MBNL1: variants seen among roughly 807,000 people sequenced by gnomAD.
MBNL1 encodes muscleblind-like protein 1.
A neutral mutation model predicts 42.2 loss-of-function variants in MBNL1; 8 were observed. That is an observed-to-expected ratio of 0.19 (90% CI 0.11 to 0.34). The LOEUF is 0.34. Among genes scored for constraint, MBNL1 ranks in the 10% least tolerant of loss-of-function variants. The probability of loss-of-function intolerance (pLI) is 1.00; values close to 1 mark genes in which losing one functional copy is unlikely to be tolerated. For synonymous variants in MBNL1, 169 were observed against 173.9 expected (o/e 0.97, Z 0.22); for missense variants, 309 against 495.3 (o/e 0.62, Z 3.57).
chr3:152,448,294 C>T (rs1714617964), intron 6 of MBNL1, among the ~76,000 whole-genome samples: 1 of 152,072 alleles, frequency 6.6e-6, no homozygotes, highest in South Asian at 2.1e-4. Flanking sequence ...ATGACTGTTC[C>T]TAAGCTAATA....
Position 152,400,359 on chromosome 3 carries a change from T to C in MBNL1, c.175-14582T>C, listed in dbSNP as rs972781618. ...TAACTTGAGCTTAAGCAACTTAAAATTGAGTTATAAAAGCAATATTGTCAG... is the reference window on the plus strand; with the variant it reads ...TAACTTGAGCTTAAGCAACTTAAAACTGAGTTATAAAAGCAATATTGTCAG... On this transcript the variant is annotated intron_variant, in intron 2 of 9. Coordinates refer to ENST00000324210, the MANE Select transcript of MBNL1 (RefSeq NM_021038.5). Among the ~76,000 whole-genome samples the C allele has an allele frequency of 4.6e-5, 7 of 152,202 alleles. No homozygotes were observed. In the East Asian group the frequency reaches 1.3e-3, roughly 29 times the overall value.
intron 4 of MBNL1, among the ~76,000 whole-genome samples, chr3:152,442,674 G>A (rs2099160193): frequency 6.6e-6 from 1 of 152,170 alleles, no homozygotes; most frequent in African/African-American, 2.4e-5. Context: ...AGAGAAACCA[G>A]ATCAAACTCA....
chr3:152,370,056 G>A (rs143448416), intron 2 of MBNL1, among the ~76,000 whole-genome samples: 2,149 of 152,084 alleles, frequency 0.014, 21 homozygotes, highest in Middle Eastern at 0.051. Flanking sequence ...GCTAGCTTTT[G>A]AATTTGTTTG....
At chr3:152,436,899 G>C (rs2099085566) in intron 4 of MBNL1, among the ~76,000 whole-genome samples, 2 of 152,134 alleles carry the variant, frequency 1.3e-5, no homozygotes, top group South Asian at 4.1e-4. Flanking sequence ...TTGTAGTGCA[G>C]CTTCCTGTCT....
At chr3:152,291,012 C>T (rs1319134763) in intron 1 of MBNL1, among the ~76,000 whole-genome samples, 2 of 152,090 alleles carry the variant, frequency 1.3e-5, no homozygotes, top group Non-Finnish European at 2.9e-5. Context: ...TGTTCTGATT[C>T]CCTATTTACT....
intron 2 of MBNL1, among the ~76,000 whole-genome samples, chr3:152,325,149 A>T (rs1256231705): frequency 1.7e-5 from 2 of 115,098 alleles, no homozygotes; most frequent in Non-Finnish European, 3.4e-5. Flanking sequence ...TCTGCCTGGG[A>T]CTCTTTTTTC....
chr3:152,270,788 G>A (rs1013643583), intron 1 of MBNL1, among the ~76,000 whole-genome samples: 1 of 152,046 alleles, frequency 6.6e-6, no homozygotes, highest in Non-Finnish European at 1.5e-5. Context: ...TATTTGCATG[G>A]GAGTTACTTT....
At chr3:152,431,450 A>G (rs2099005907) in intron 3 of MBNL1, among the ~76,000 whole-genome samples, 1 of 152,078 alleles carries the variant, frequency 6.6e-6, no homozygotes, top group Admixed American at 6.6e-5. Context: ...TAAGAATTAC[A>G]TTTGTAATAT....
At chr3:152,389,723 G>T (rs2097600024) in intron 2 of MBNL1, among the ~76,000 whole-genome samples, 1 of 152,144 alleles carries the variant, frequency 6.6e-6, no homozygotes, top group Admixed American at 6.5e-5. Context: ...AGGACTGGAA[G>T]TTGTTCTGGA....
In MBNL1 at chr3:152,260,063, G is replaced by T. The variant is rs139224777; in HGVS notation, n.333+15623G>T. Among the ~76,000 whole-genome samples the T allele has an allele frequency of 3.9e-3, 597 of 152,268 alleles. 2 individuals carry two copies. The highest frequency in any genetic ancestry group is 6.5e-3 in the Non-Finnish European group (441 of 68,006). On this transcript the variant is annotated intron_variant and non_coding_transcript_variant, in intron 2 of 2. Coordinates refer to the MBNL1 transcript ENST00000477171. ...TAGTTTTTCTTACCATGTAGCCTCAGACTCTAGGAAAGACTGGAATTATGC... is the reference window on the plus strand; with the variant it reads ...TAGTTTTTCTTACCATGTAGCCTCATACTCTAGGAAAGACTGGAATTATGC...
At chr3:152,301,956 C>T (rs941704490) in intron 2 of MBNL1, 1 of 152,186 alleles carries the variant, frequency 6.6e-6, no homozygotes, top group Non-Finnish European at 1.5e-5. Context: ...AAATGAAGGA[C>T]ATTAAATTTG....
chr3:152,251,538 C>T (rs766127307), intron 2 of MBNL1, among the ~76,000 whole-genome samples: 6 of 151,992 alleles, frequency 3.9e-5, no homozygotes, highest in Non-Finnish European at 7.4e-5. Context: ...GGAACATTTC[C>T]GTATCATTTC....
In MBNL1 at chr3:152,286,352, ATATT is replaced by A. The variant is rs1461663078; in HGVS notation, c.-789-13049_-789-13046del. Among the ~76,000 whole-genome samples the A allele has an allele frequency of 6.3e-5, 9 of 141,776 alleles. 1 individual carries two copies. The highest frequency in any genetic ancestry group is 1.3e-4 in the African/African-American group (5 of 39,098). 93.0% of individuals were successfully genotyped at this position (141,776 alleles called of 152,430 possible). On this transcript the variant is annotated intron_variant, in intron 1 of 9. Coordinates refer to ENST00000324210, the MANE Select transcript of MBNL1 (RefSeq NM_021038.5). ...TAATTATATTTTATTTATAATATAA[ATATT>A]TATATTTTATTTATAATATAAATAT...
intron 1 of MBNL1, among the ~76,000 whole-genome samples, chr3:152,294,884 G>T (rs1196983668): frequency 6.6e-6 from 1 of 152,108 alleles, no homozygotes; most frequent in Admixed American, 6.5e-5. Flanking sequence ...TTTACCAAAA[G>T]AGATTTCTAT....
intron 6 of MBNL1, among the ~76,000 whole-genome samples, chr3:152,451,511 T>G (rs148273335): frequency 4.1e-4 from 63 of 152,260 alleles, no homozygotes; most frequent in African/African-American, 1.5e-3. Flanking sequence ...CACCCATCTT[T>G]CCATTTATTC....
In MBNL1 at chr3:152,429,210, T is replaced by C. The variant is rs559708716; in HGVS notation, c.346-3507T>C. Reference sequence around the variant, plus strand: ...ATGCTGACACAAAATAAATAAGGAATTACTACTAATAATCATGTTTGCATA... The same window carrying C: ...ATGCTGACACAAAATAAATAAGGAACTACTACTAATAATCATGTTTGCATA... On this transcript the variant is annotated intron_variant, in intron 3 of 9. Coordinates refer to ENST00000324210, the MANE Select transcript of MBNL1 (RefSeq NM_021038.5). 4.2e-4 allele frequency among the ~76,000 whole-genome samples: 64 copies of C among 152,320 alleles called. 1 individual carries two copies. Among genetic ancestry groups the C allele is most frequent in the African/African-American group, 1.5e-3 (61 of 41,572 alleles).
intron 2 of MBNL1, among the ~76,000 whole-genome samples, chr3:152,375,857 CT>C (rs2096876466): frequency 6.6e-6 from 1 of 151,562 alleles, no homozygotes; most frequent in Non-Finnish European, 1.5e-5. Context: ...ATTTCTATAT[CT>C]TTTTCCATCT....
At chr3:152,261,876 A>G (rs1299347629) in intron 2 of MBNL1, among the ~76,000 whole-genome samples, 1 of 152,170 alleles carries the variant, frequency 6.6e-6, no homozygotes, top group East Asian at 1.9e-4. Context: ...AGTATCAGGT[A>G]GTTTTACCAT....
At chr3:152,414,822 C>A in intron 2 of MBNL1, 119 bp from the exon 3 acceptor site, 1 of 882,554 alleles carries the variant, frequency 1.1e-6, no homozygotes, top group Non-Finnish European at 1.8e-6. Flanking sequence ...ATGATATGGA[C>A]AATGCATTGT....
Sources: allele counts gnomAD v4.1 joint callset (sites outside exome capture counted in the v4.1 genomes callset), GRCh38; gene constraint gnomAD v4.1.1; transcripts MANE v1.5; gene names NCBI Gene and HGNC (gene_info 2026-07-23, HGNC 2026-07-21).